Variants in KDM2A observed in about 807,000 individuals in gnomAD.
The protein encoded by KDM2A is lysine-specific demethylase 2A.
KDM2A carries 3 observed loss-of-function variants against 137.3 expected under a neutral mutation model. The ratio of observed to expected loss-of-function variants is 0.02; its 90% CI spans 0.01 to 0.06. KDM2A has a LOEUF of 0.06. KDM2A is among the 10% of genes least tolerant of loss of function. KDM2A has a pLI of 1.00. For synonymous variants in KDM2A, 512 were observed against 541.5 expected, an observed-to-expected ratio of 0.95 and a Z score of 0.76; for missense variants, 738 against 1,510.6, an observed-to-expected ratio of 0.49 and a Z score of 8.48.
rs373087204 is a variant in KDM2A at position 67,215,841 on chromosome 11, C to T, written c.594-15C>T. The T allele has an allele frequency of 7.5e-6, 12 of 1,609,894 alleles. No individual in the cohort carries two copies. The highest frequency in any genetic ancestry group is 1.0e-5 in the Non-Finnish European group (12 of 1,176,364). On this transcript the variant is annotated splice_polypyrimidine_tract_variant and intron_variant, in intron 7 of 20. Coordinates refer to ENST00000529006, the MANE Select transcript of KDM2A (RefSeq NM_012308.3). ...TTCCATCAGTACACTAATGCTGCTG[C>T]TTTTTTTGGGTCAGGTACTGTCTAA... is the stretch of plus-strand genomic sequence containing the variant.
intron 8 of KDM2A, among the ~76,000 whole-genome samples, chr11:67,216,617 C>G (rs1462581118): frequency 6.6e-6 from 1 of 152,178 alleles, no homozygotes; most frequent in Non-Finnish European, 1.5e-5. Flanking sequence ...TAGATAATGC[C>G]TTGTTTAAAA....
intron 2 of KDM2A, chr11:67,148,968 T>C (rs1228130343): frequency 6.6e-6 from 1 of 152,190 alleles, no homozygotes; most frequent in East Asian, 1.9e-4. Context: ...AAACTATTTA[T>C]AGGTTTGGGT....
intron 2 of KDM2A, among the ~76,000 whole-genome samples, chr11:67,139,529 G>A (rs923499251): frequency 6.6e-6 from 1 of 152,030 alleles, no homozygotes; most frequent in African/African-American, 2.4e-5. Flanking sequence ...ACAGGCGTGA[G>A]CCACTGCACC....
intron 2 of KDM2A, among the ~76,000 whole-genome samples, chr11:67,167,517 G>C (rs1386098492): frequency 6.6e-6 from 1 of 151,928 alleles, no homozygotes; most frequent in African/African-American, 2.4e-5. Context: ...AGTTCTTGGG[G>C]GAACTTTTTA....
chr11:67,240,161 G>T lies in KDM2A; in HGVS notation c.1480-2848G>T. 7 of 1,475,884 alleles carry T rather than the reference G, an allele frequency of 4.7e-6. No homozygotes were observed. The South Asian group carries it at 5.2e-5, about 11-fold the overall frequency. 91.4% of individuals were successfully genotyped at this position (1,475,884 alleles called of 1,614,324 possible). On this transcript the variant is annotated intron_variant, in intron 12 of 20. Transcript: ENST00000529006. ...GAAGGAGCCCAGAGCGCTGCACGCTGCTCCCTCTGGGTAGTCTGAAGGGTC... is the reference window on the plus strand; with the variant it reads ...GAAGGAGCCCAGAGCGCTGCACGCTTCTCCCTCTGGGTAGTCTGAAGGGTC...
intron 10 of KDM2A, among the ~76,000 whole-genome samples, chr11:67,223,454 G>A (rs750281542): frequency 1.4e-4 from 22 of 151,788 alleles, no homozygotes; most frequent in Non-Finnish European, 2.6e-4. Context: ...CCAGGCTGGA[G>A]TGCAGTAGCA....
In KDM2A at chr11:67,255,295, A is replaced by G. The variant is rs116903927; in HGVS notation, c.*240A>G. ...GCAGATTGATCTGAGGGGAAAGCAC[A>G]GGCTGTGCTGTCGAGGCGCCTGCTC... On this transcript the variant is annotated 3_prime_UTR_variant, in exon 21 of 21. Coordinates refer to ENST00000529006, the MANE Select transcript of KDM2A (RefSeq NM_012308.3). 0.022 allele frequency: 12,400 copies of G among 552,128 alleles called. 250 individuals are homozygous for G. The highest frequency in any genetic ancestry group is 0.026 in the Non-Finnish European group (8,060 of 304,730). 34.2% of individuals were successfully genotyped at this position (552,128 alleles called of 1,614,324 possible).
intron 2 of KDM2A, among the ~76,000 whole-genome samples, chr11:67,151,186 T>C (rs1387438200): frequency 6.6e-6 from 1 of 152,108 alleles, no homozygotes; most frequent in African/African-American, 2.4e-5. Context: ...TGAATCACTC[T>C]CTTGGTGGCT....
intron 10 of KDM2A, among the ~76,000 whole-genome samples, chr11:67,227,417 G>A (rs895937465): frequency 9.2e-5 from 14 of 151,960 alleles, no homozygotes; most frequent in Admixed American, 5.3e-4. Context: ...ATATAGTAAA[G>A]CAAGAGTACT....
chr11:67,226,759 T>C (rs1378817802), intron 10 of KDM2A, among the ~76,000 whole-genome samples: 1 of 152,130 alleles, frequency 6.6e-6, no homozygotes, highest in Non-Finnish European at 1.5e-5. Flanking sequence ...TCCTTCAGCA[T>C]CAAAGAGCAT....
chr11:67,220,165 C>G (rs1008642730), intron 10 of KDM2A, among the ~76,000 whole-genome samples: 1 of 152,052 alleles, frequency 6.6e-6, no homozygotes, highest in Non-Finnish European at 1.5e-5. Flanking sequence ...GCACACGCCA[C>G]CACATGCAGC....
At chr11:67,169,167 G>A (rs1590743496) in intron 2 of KDM2A, among the ~76,000 whole-genome samples, 1 of 151,784 alleles carries the variant, frequency 6.6e-6, no homozygotes, top group African/African-American at 2.4e-5. Context: ...TCTTGGCCAG[G>A]CTGGCCTTGA....
intron 2 of KDM2A, among the ~76,000 whole-genome samples, chr11:67,160,451 G>T (rs1329652068): frequency 6.6e-6 from 1 of 152,152 alleles, no homozygotes; most frequent in Non-Finnish European, 1.5e-5. Flanking sequence ...TGACCAGTTT[G>T]TTAGGGAGGA....
Position 67,156,933 on chromosome 11 carries a change from C to T in KDM2A, c.43-23146C>T, listed in dbSNP as rs921362601. 3.3e-5 allele frequency among the ~76,000 whole-genome samples: 5 copies of T among 151,918 alleles called. No individual in the cohort carries two copies. The East Asian group carries it at 9.7e-4, about 30-fold the overall frequency. On this transcript the variant is annotated intron_variant, in intron 2 of 20. Transcript: ENST00000529006. ...AGGAGCTTCAGTGCCCACAAATAAA[C>T]TCGTGCTCATTCATTTAACATGTTG...
At chr11:67,203,776 C>T (rs1857718801) in intron 5 of KDM2A, among the ~76,000 whole-genome samples, 1 of 151,032 alleles carries the variant, frequency 6.6e-6, no homozygotes, top group Admixed American at 6.6e-5. Context: ...GAATAAAATG[C>T]TTTCCTCTAC....
intron 5 of KDM2A, among the ~76,000 whole-genome samples, chr11:67,191,398 GA>G (rs1164946673): frequency 5.3e-5 from 8 of 152,114 alleles, no homozygotes; most frequent in Non-Finnish European, 1.0e-4. Context: ...GACAGTACAA[GA>G]AAACTACAAA....
At chr11:67,220,711 T>C (rs1858319213) in intron 10 of KDM2A, among the ~76,000 whole-genome samples, 1 of 152,186 alleles carries the variant, frequency 6.6e-6, no homozygotes, top group African/African-American at 2.4e-5. Context: ...TAGTAAATAT[T>C]TTAGGCTTCG....
Position 67,255,712 on chromosome 11 carries a change from G to A in KDM2A, c.*657G>A, listed in dbSNP as rs749617696. Reference sequence around the variant, plus strand: ...TTAGGTTTCCCACCCCAGCCTACCCGACTTACTTGCTAGTCTCTATGAGGT... The same window carrying A: ...TTAGGTTTCCCACCCCAGCCTACCCAACTTACTTGCTAGTCTCTATGAGGT... On this transcript the variant is annotated 3_prime_UTR_variant, in exon 21 of 21. Coordinates refer to ENST00000529006, the MANE Select transcript of KDM2A (RefSeq NM_012308.3). 7.7e-6 allele frequency: 3 copies of A among 388,050 alleles called. No individual in the cohort carries two copies. The highest frequency in any genetic ancestry group is 7.3e-5 in the East Asian group (1 of 13,770). 24.0% of individuals were successfully genotyped at this position (388,050 alleles called of 1,614,324 possible).
intron 2 of KDM2A, among the ~76,000 whole-genome samples, chr11:67,153,237 G>A (rs1432680663): frequency 1.3e-5 from 2 of 152,014 alleles, no homozygotes; most frequent in African/African-American, 4.8e-5. Context: ...GACCCGCCTC[G>A]GCCTCCCAAG....
Sources: allele counts gnomAD v4.1 joint callset (sites outside exome capture counted in the v4.1 genomes callset), GRCh38; gene constraint gnomAD v4.1.1; transcripts MANE v1.5; gene names NCBI Gene and HGNC (gene_info 2026-07-23, HGNC 2026-07-21).